The following LIN52 variants were observed in gnomAD, a reference collection of about 807,000 sequenced individuals.
LIN52 encodes the protein protein lin-52 homolog.
In LIN52, 4 loss-of-function variants were observed where a neutral mutation model predicts 18.5. The ratio of observed to expected loss-of-function variants is 0.22; its 90% confidence interval spans 0.11 to 0.49. The LOEUF (loss-of-function observed/expected upper bound fraction) is 0.49, where lower values mean the gene tolerates loss of function less well. Ranked by LOEUF, LIN52 falls within the 20% of genes least tolerant of loss-of-function variation. LIN52 has a pLI of 0.97. For synonymous variants in LIN52, 34 were observed against 45.5 expected, an observed-to-expected ratio of 0.75 and a Z score of 1.02; for missense variants, 102 against 139.5, an observed-to-expected ratio of 0.73 and a Z score of 1.35.
chr14:74,085,108 C>A, intron 1 of LIN52, 115 bp downstream of exon 1: 2 of 1,039,178 alleles, frequency 1.9e-6, no homozygotes, highest in East Asian at 5.8e-5. Context: ...TTCTCCTTTC[C>A]CTTTTATTTT....
chr14:74,164,860 A>G (rs1051773811), intron 5 of LIN52, among the ~76,000 whole-genome samples: 1 of 152,204 alleles, frequency 6.6e-6, no homozygotes, highest in African/African-American at 2.4e-5. Flanking sequence ...GAAATTACCA[A>G]TGTTTGAGAA....
intron 5 of LIN52, among the ~76,000 whole-genome samples, chr14:74,192,336 A>T (rs1301881546): frequency 6.6e-6 from 1 of 152,050 alleles, no homozygotes; most frequent in Non-Finnish European, 1.5e-5. Flanking sequence ...ACCAGGCTGG[A>T]TTACAGTCGC....
chr14:74,117,005 G>A (rs969251170), intron 5 of LIN52, among the ~76,000 whole-genome samples: 2 of 151,858 alleles, frequency 1.3e-5, no homozygotes, highest in African/African-American at 4.8e-5. Flanking sequence ...AAAAAAATAA[G>A]GAAAAGTTGT....
chr14:74,152,055 G>A (rs1159081443), intron 5 of LIN52, among the ~76,000 whole-genome samples: 1 of 152,068 alleles, frequency 6.6e-6, no homozygotes, highest in Admixed American at 6.5e-5. Flanking sequence ...CTGAGGTCAG[G>A]ACTTCGGGAC....
At chr14:74,137,009 A>C (rs2061101175) in intron 5 of LIN52, among the ~76,000 whole-genome samples, 1 of 152,134 alleles carries the variant, frequency 6.6e-6, no homozygotes. Context: ...AATGAATATC[A>C]ATGCCACAAA....
At chr14:74,117,772 G>T (rs1419855102) in intron 5 of LIN52, among the ~76,000 whole-genome samples, 3 of 152,096 alleles carry the variant, frequency 2.0e-5, no homozygotes, top group Non-Finnish European at 4.4e-5. Context: ...ATATGATCTG[G>T]AAGGTAGCGA....
chr14:74,098,447 A>G (rs1340705804), intron 4 of LIN52, among the ~76,000 whole-genome samples: 3 of 151,926 alleles, frequency 2.0e-5, no homozygotes, highest in African/African-American at 7.2e-5. Context: ...TGAACCTAGA[A>G]GACAGAGGTT....
At chr14:74,086,010 C>T (rs2060727605) in intron 1 of LIN52, among the ~76,000 whole-genome samples, 1 of 151,244 alleles carries the variant, frequency 6.6e-6, no homozygotes, top group African/African-American at 2.4e-5. Flanking sequence ...AACATATAAA[C>T]ATTTTTTTTT....
chr14:74,144,849 A>G (rs1189174727), intron 5 of LIN52, among the ~76,000 whole-genome samples: 1 of 152,262 alleles, frequency 6.6e-6, no homozygotes, highest in Non-Finnish European at 1.5e-5. Flanking sequence ...TTACAAATAG[A>G]AATGTTAACT....
chr14:74,171,500 T>G (rs1038796271), intron 5 of LIN52, among the ~76,000 whole-genome samples: 3 of 152,012 alleles, frequency 2.0e-5, no homozygotes, highest in Admixed American at 2.0e-4. Context: ...CTACAAAAAA[T>G]TTTAGTGGAA....
At chr14:74,160,493 A>G (rs1311979299) in intron 5 of LIN52, among the ~76,000 whole-genome samples, 5 of 152,210 alleles carry the variant, frequency 3.3e-5, no homozygotes, top group African/African-American at 1.2e-4. Context: ...ATGTAGTTCC[A>G]TATGCATATG....
At chr14:74,096,061 A>G in intron 3 of LIN52, 76 bp downstream of exon 3, 2 of 878,582 alleles carry the variant, frequency 2.3e-6, no homozygotes, top group African/African-American at 1.8e-5. Context: ...TCTGTTCTTT[A>G]TTTTATTTTA....
chr14:74,163,881 A>C (rs79909528), intron 5 of LIN52, among the ~76,000 whole-genome samples: 46,651 of 152,114 alleles, frequency 0.31, 9,182 homozygotes, highest in Non-Finnish European at 0.42. Context: ...CACCTGCTTT[A>C]TTCTCTCCCA....
chr14:74,146,406 C>A (rs550385424), intron 5 of LIN52, among the ~76,000 whole-genome samples: 1 of 151,990 alleles, frequency 6.6e-6, no homozygotes, highest in Admixed American at 6.6e-5. Context: ...AATCTCGTAG[C>A]CATGGTGGGA....
intron 2 of LIN52, among the ~76,000 whole-genome samples, chr14:74,095,440 TTTAA>T (rs1057115584): frequency 6.6e-6 from 1 of 152,096 alleles, no homozygotes; most frequent in Non-Finnish European, 1.5e-5. Context: ...CGGCCCGTTT[TTTAA>T]TTTTTTGTAG....
intron 5 of LIN52, among the ~76,000 whole-genome samples, chr14:74,103,107 CTT>C (rs2060870281): frequency 6.6e-6 from 1 of 152,184 alleles, no homozygotes; most frequent in Admixed American, 6.5e-5. Context: ...GAGACAGAGT[CTT>C]ACTCTGTGGC....
chr14:74,194,135 CAGAG>C (rs2078896474), intron 5 of LIN52, among the ~76,000 whole-genome samples: 1 of 152,176 alleles, frequency 6.6e-6, no homozygotes, highest in African/African-American at 2.4e-5. Flanking sequence ...GGGAAAGGTG[CAGAG>C]CCCTGGCAGA....
intron 1 of LIN52, among the ~76,000 whole-genome samples, chr14:74,086,395 C>G (rs1217667905): frequency 2.0e-5 from 3 of 152,004 alleles, no homozygotes; most frequent in Admixed American, 6.6e-5. Context: ...GTTCACACTT[C>G]TAATCCCAGC....
chr14:74,104,585 G>C (rs1410993331), intron 5 of LIN52, among the ~76,000 whole-genome samples: 1 of 144,322 alleles, frequency 6.9e-6, no homozygotes, highest in African/African-American at 2.6e-5. Flanking sequence ...CACAGATACA[G>C]GCTTGATTTT....
Sources: allele counts gnomAD v4.1 joint callset (sites outside exome capture counted in the v4.1 genomes callset), GRCh38; gene constraint gnomAD v4.1.1; transcripts MANE v1.5; gene names NCBI Gene and HGNC (gene_info 2026-07-23, HGNC 2026-07-21).